RBFOX1: variants seen among roughly 807,000 people sequenced by gnomAD.
The protein encoded by RBFOX1 is RNA binding fox-1 homolog 1, also known as RNA binding protein fox-1 homolog 1.
RBFOX1 carries 8 observed loss-of-function variants against 57.7 expected under a neutral mutation model. The observed-to-expected ratio is 0.14, with a 90% confidence interval of 0.08 to 0.25. The LOEUF is 0.25. Among genes scored for constraint, RBFOX1 ranks in the 10% least tolerant of loss-of-function variants. The pLI is 1.00. For missense variants in RBFOX1, 611 were observed against 548.5 expected, an observed-to-expected ratio of 1.11 and a Z score of -1.14; for synonymous variants, 326 against 222.4, an observed-to-expected ratio of 1.47 and a Z score of -4.15.
intron 2 of RBFOX1, among the ~76,000 whole-genome samples, chr16:5,542,646 C>A (rs550309641): frequency 1.3e-5 from 2 of 152,070 alleles, no homozygotes; most frequent in Non-Finnish European, 2.9e-5. Flanking sequence ...AAAAAGACCA[C>A]GCAACACTTC....
At chr16:5,727,837 G>A (rs926846734) in intron 3 of RBFOX1, among the ~76,000 whole-genome samples, 5 of 152,110 alleles carry the variant, frequency 3.3e-5, no homozygotes, top group Admixed American at 6.6e-5. Flanking sequence ...ACAGGTGTGC[G>A]CCACCATGCC....
At chr16:5,277,331 A>T (rs2063165642) in intron 1 of RBFOX1, among the ~76,000 whole-genome samples, 1 of 152,094 alleles carries the variant, frequency 6.6e-6, no homozygotes, top group African/African-American at 2.4e-5. Context: ...TGAGAGATAA[A>T]AGACTATATA....
At chr16:7,682,036 G>A (rs77221412) in intron 14 of RBFOX1, among the ~76,000 whole-genome samples, 19,633 of 152,070 alleles carry the variant, frequency 0.13, 1,632 homozygotes, top group East Asian at 0.31. Flanking sequence ...TTATCAAAAC[G>A]GAAGAACACC....
intron 14 of RBFOX1, among the ~76,000 whole-genome samples, chr16:7,687,263 T>C (rs2076266462): frequency 6.6e-6 from 1 of 152,112 alleles, no homozygotes; most frequent in African/African-American, 2.4e-5. Flanking sequence ...TGTACCATTC[T>C]GGAGTAGAGT....
intron 2 of RBFOX1, among the ~76,000 whole-genome samples, chr16:6,383,871 C>T (rs147788851): frequency 3.9e-5 from 6 of 152,052 alleles, no homozygotes; most frequent in African/African-American, 9.6e-5. Context: ...CACCACTAAG[C>T]AGATGGTGGG....
At chr16:6,522,517 T>C (rs2096521641) in intron 2 of RBFOX1, among the ~76,000 whole-genome samples, 1 of 152,190 alleles carries the variant, frequency 6.6e-6, no homozygotes, top group Non-Finnish European at 1.5e-5. Context: ...ATGCTTTGGC[T>C]TAGCATAAGG....
chr16:7,013,851 T>G (rs1320497381), intron 3 of RBFOX1, among the ~76,000 whole-genome samples: 1 of 152,018 alleles, frequency 6.6e-6, no homozygotes, highest in East Asian at 1.9e-4. Flanking sequence ...AGAAATGGGG[T>G]CTCACCATGT....
At chr16:7,485,178 G>C (rs144582926) in intron 4 of RBFOX1, among the ~76,000 whole-genome samples, 2 of 152,004 alleles carry the variant, frequency 1.3e-5, no homozygotes, top group African/African-American at 4.8e-5. Context: ...CAAGGGACAG[G>C]TGTGTTCACT....
At chr16:6,551,640 TA>T (rs1463911655) in intron 2 of RBFOX1, among the ~76,000 whole-genome samples, 3 of 152,164 alleles carry the variant, frequency 2.0e-5, no homozygotes, top group African/African-American at 7.2e-5. Context: ...AGGAATTCTG[TA>T]AAAGCTTGCC....
chr16:7,212,373 G>A (rs1234363435), intron 4 of RBFOX1, among the ~76,000 whole-genome samples: 7 of 152,066 alleles, frequency 4.6e-5, no homozygotes, highest in African/African-American at 1.4e-4. Flanking sequence ...TGACCCTAGC[G>A]CTTGATGACT....
chr16:6,487,148 G>GTGTGTGTGTGTGTC (rs1555498840), intron 2 of RBFOX1, among the ~76,000 whole-genome samples: 6 of 83,336 alleles, frequency 7.2e-5, no homozygotes, highest in African/African-American at 1.9e-4. Context: ...GGGTTTCTGT[G>GTGTGTGTGTGTGTC]TGTGTGTGTG....
At chr16:7,002,617 C>A (rs1051135883) in intron 3 of RBFOX1, among the ~76,000 whole-genome samples, 2 of 152,116 alleles carry the variant, frequency 1.3e-5, no homozygotes, top group African/African-American at 4.8e-5. Context: ...GAGGCTGAGG[C>A]AGGAGAATCG....
intron 1 of RBFOX1, among the ~76,000 whole-genome samples, chr16:6,169,578 C>T (rs1018943624): frequency 1.3e-5 from 2 of 151,796 alleles, no homozygotes; most frequent in Admixed American, 6.6e-5. Context: ...GATGTATAGA[C>T]AAAAAAAGGG....
intron 1 of RBFOX1, among the ~76,000 whole-genome samples, chr16:6,044,895 C>G (rs1444238709): frequency 6.6e-5 from 10 of 152,176 alleles, no homozygotes; most frequent in Admixed American, 6.5e-4. Flanking sequence ...AATGAGAGTT[C>G]CCTCTGCATA....
intron 1 of RBFOX1, among the ~76,000 whole-genome samples, chr16:5,273,298 G>C (rs955677183): frequency 7.3e-5 from 11 of 151,722 alleles, no homozygotes; most frequent in African/African-American, 2.7e-4. Context: ...TCAACCTCAA[G>C]AGTCCCATTA....
intron 1 of RBFOX1, among the ~76,000 whole-genome samples, chr16:6,221,926 C>G (rs571267152): frequency 1.3e-5 from 2 of 152,116 alleles, no homozygotes; most frequent in Non-Finnish European, 2.9e-5. Flanking sequence ...ACAGCCAAAC[C>G]GTATCAACCA....
intron 4 of RBFOX1, among the ~76,000 whole-genome samples, chr16:7,344,126 T>TTA (rs1555745975): frequency 1.2e-4 from 18 of 146,316 alleles, no homozygotes; most frequent in Non-Finnish European, 1.8e-4. Flanking sequence ...TTTTTTTTTT[T>TTA]AACTCCTAAG....
chr16:6,994,018 C>G (rs2091907293), intron 3 of RBFOX1, among the ~76,000 whole-genome samples: 2 of 152,138 alleles, frequency 1.3e-5, no homozygotes, highest in Non-Finnish European at 2.9e-5. Context: ...TAATTACTGG[C>G]TGAATTTCCT....
At chr16:7,313,290 C>T (rs1368089682) in intron 4 of RBFOX1, among the ~76,000 whole-genome samples, 1 of 152,090 alleles carries the variant, frequency 6.6e-6, no homozygotes, top group African/African-American at 2.4e-5. Flanking sequence ...TTCCTTTTCC[C>T]CCTAAGGGTT....
Sources: allele counts gnomAD v4.1 joint callset (sites outside exome capture counted in the v4.1 genomes callset), GRCh38; gene constraint gnomAD v4.1.1; transcripts MANE v1.5; gene names NCBI Gene and HGNC (gene_info 2026-07-23, HGNC 2026-07-21).